Variants in SEC14L5 observed in about 807,000 individuals in gnomAD.
The protein encoded by SEC14L5 is SEC14-like protein 5.
SEC14L5 carries 96 observed loss-of-function variants against 84.6 expected under a neutral mutation model. The ratio of observed to expected loss-of-function variants is 1.13; its 90% CI spans 0.96 to 1.34. SEC14L5 has a LOEUF of 1.34. Ranked by LOEUF, SEC14L5 falls within the 40% of genes most tolerant of loss-of-function variation. SEC14L5 has a pLI of 0.00. For synonymous variants in SEC14L5, 546 were observed against 383.4 expected (o/e 1.42, Z -4.95); for missense variants, 1,224 against 942.5 (o/e 1.30, Z -3.91).
intron 2 of SEC14L5, among the ~76,000 whole-genome samples, chr16:4,959,966 C>T (rs935736645): frequency 1.3e-5 from 2 of 152,082 alleles, no homozygotes; most frequent in African/African-American, 4.8e-5. Flanking sequence ...GCTCACAGAC[C>T]CCCTTCCCTC....
chr16:5,004,118 T>C (rs1410284589), intron 11 of SEC14L5, among the ~76,000 whole-genome samples: 1 of 151,808 alleles, frequency 6.6e-6, no homozygotes, highest in Admixed American at 6.6e-5. Context: ...CAGTCCAGGG[T>C]GGCTGAGCAA....
At chr16:5,007,529 C>G (rs1168334508) in intron 13 of SEC14L5, 43 bp downstream of exon 13, 1 of 1,598,102 alleles carries the variant, frequency 6.3e-7, no homozygotes, top group African/African-American at 1.3e-5. Context: ...GCTGGAGTGT[C>G]TGTCGTCTTA....
chr16:4,987,632 A>C lies in SEC14L5; in HGVS notation c.139A>C (p.Ser47Arg). The change falls in exon 3 of 16, where the codon AGC becomes CGC. Residue 47 changes from serine to arginine, a missense_variant. Physicochemically the swap from Ser to Arg is moderately radical, Grantham distance 110 (BLOSUM62 -1). Transcript: ENST00000251170. ...CAGCGAGGTCTTGCGCGAGTCCCGC[A>C]GCCCGGACGGGGCTGTGCACGTGGT... is the stretch of plus-strand genomic sequence containing the variant. The part of the protein sequence containing the change: ...LGSEVLRESR[S>R]PDGAVHVVER... 6.4e-7 allele frequency: 1 copy of C among 1,556,832 alleles called. No homozygotes were observed. The highest frequency in any genetic ancestry group is 8.7e-7 in the Non-Finnish European group (1 of 1,151,552).
rs1041366165 is a variant in SEC14L5, at chr16:5,018,949, G to A, written c.*3979G>A. 6.6e-6 allele frequency: 1 copy of A among 152,168 alleles called. No individual in the cohort carries two copies. The highest frequency in any genetic ancestry group is 1.5e-5 in the Non-Finnish European group (1 of 68,044). 9.4% of individuals were successfully genotyped at this position (152,168 alleles called of 1,614,324 possible). A position where few individuals can be genotyped will look rare whatever the true frequency, so the allele number is the denominator to read the frequency against. ...GCCTGATCACTTGCTCCAACCAGCAGCATTAAATGTTTTCCATTTGGATAA... is the reference window on the plus strand; with the variant it reads ...GCCTGATCACTTGCTCCAACCAGCAACATTAAATGTTTTCCATTTGGATAA... On this transcript the variant is annotated 3_prime_UTR_variant, in exon 16 of 16. Coordinates refer to ENST00000251170, the MANE Select transcript of SEC14L5 (RefSeq NM_014692.2).
chr16:4,988,088 T>C (rs1285932976), intron 3 of SEC14L5, 61 bp from the exon 4 acceptor site: 3 of 1,592,738 alleles, frequency 1.9e-6, no homozygotes, highest in East Asian at 2.2e-5. Flanking sequence ...GGACTCGCTC[T>C]CCATTCCTGT....
intron 12 of SEC14L5, among the ~76,000 whole-genome samples, chr16:5,006,904 C>T (rs1305862386): frequency 2.6e-5 from 4 of 151,814 alleles, no homozygotes; most frequent in African/African-American, 9.7e-5. Context: ...ATCTAGGGTG[C>T]CTTTGGTTTG....
intron 8 of SEC14L5, among the ~76,000 whole-genome samples, chr16:4,999,653 G>A (rs987901039): frequency 1.3e-5 from 2 of 151,030 alleles, no homozygotes; most frequent in Admixed American, 6.6e-5. Flanking sequence ...GTGGGCTCAC[G>A]TCTGTAATCC....
chr16:5,013,157 C>G (rs965630198), intron 15 of SEC14L5, among the ~76,000 whole-genome samples: 2 of 152,128 alleles, frequency 1.3e-5, no homozygotes, highest in African/African-American at 4.8e-5. Flanking sequence ...CCAGATCCCT[C>G]CCTCAACACT....
In SEC14L5 at chr16:4,977,976, A is replaced by T. The variant is rs1275790208; in HGVS notation, c.64-9581A>T. On this transcript the variant is annotated intron_variant, in intron 2 of 15. Coordinates refer to ENST00000251170, the MANE Select transcript of SEC14L5 (RefSeq NM_014692.2). ...CCACCACGCCTGGCTAATTTTTTGC[A>T]TTTTTAGTAGAGACAGGGTTTCACT... Among the ~76,000 whole-genome samples, 4 of 148,760 alleles carry T rather than the reference A, an allele frequency of 2.7e-5. No homozygotes were observed. The East Asian group carries it at 8.1e-4, about 30-fold the overall frequency.
At chr16:5,002,130 C>T (rs1241882325) in intron 10 of SEC14L5, among the ~76,000 whole-genome samples, 5 of 152,132 alleles carry the variant, frequency 3.3e-5, no homozygotes, top group South Asian at 2.1e-4. Context: ...ATAATGCAAA[C>T]ACGGATCTTG....
chr16:5,014,025 G>A lies in SEC14L5; in HGVS notation c.1980-834G>A, dbSNP rs961746430. Reference sequence around the variant, plus strand: ...GCATCTCTAACAAGCTCCGGGCACTGCTGGTGCTGCCAGTTCCCAGACCAT... The same window carrying A: ...GCATCTCTAACAAGCTCCGGGCACTACTGGTGCTGCCAGTTCCCAGACCAT... On this transcript the variant is annotated intron_variant, in intron 15 of 15. Transcript: ENST00000251170. Among the ~76,000 whole-genome samples, 26 of 152,252 alleles carry A rather than the reference G, an allele frequency of 1.7e-4. 1 individual carries two copies. The highest frequency in any genetic ancestry group is 6.3e-4 in the African/African-American group (26 of 41,468).
At chr16:4,959,797 C>T (rs1596608732) in intron 2 of SEC14L5, among the ~76,000 whole-genome samples, 3 of 152,098 alleles carry the variant, frequency 2.0e-5, no homozygotes, top group African/African-American at 4.8e-5. Flanking sequence ...TTCCAATTCC[C>T]GATAGCTGTT....
At chr16:4,976,530 T>C (rs753052798) in intron 2 of SEC14L5, among the ~76,000 whole-genome samples, 1 of 152,232 alleles carries the variant, frequency 6.6e-6, no homozygotes, top group Non-Finnish European at 1.5e-5. Flanking sequence ...TATTGCACTT[T>C]ACAAATGAAA....
intron 8 of SEC14L5, among the ~76,000 whole-genome samples, chr16:4,998,910 C>A (rs1568137996): frequency 6.6e-6 from 1 of 152,046 alleles, no homozygotes; most frequent in Non-Finnish European, 1.5e-5. Flanking sequence ...ACTTGTAACC[C>A]CCAAATCAGT....
chr16:4,965,152 A>AT (rs1365419805), intron 2 of SEC14L5, among the ~76,000 whole-genome samples: 1 of 152,178 alleles, frequency 6.6e-6, no homozygotes, highest in African/African-American at 2.4e-5. Flanking sequence ...AGGGTACAAT[A>AT]TTTTTAAGGT....
At chr16:5,003,661 C>A (rs1163657866) in intron 11 of SEC14L5, 88 bp downstream of exon 11, 5 of 884,860 alleles carry the variant, frequency 5.7e-6, no homozygotes, top group African/African-American at 1.7e-5. Flanking sequence ...CTCTCTTTTC[C>A]TGTTTCATTT....
At chr16:5,011,384 AC>A in intron 15 of SEC14L5, 111 bp downstream of exon 15, 1 of 1,100,522 alleles carries the variant, frequency 9.1e-7, no homozygotes, top group Non-Finnish European at 1.3e-6. Context: ...CCGGGGTGGG[AC>A]CCCAGCATGG....
chr16:5,011,455 C>T (rs986125125), intron 15 of SEC14L5, among the ~76,000 whole-genome samples, 182 bp downstream of exon 15: 3 of 152,220 alleles, frequency 2.0e-5, no homozygotes, highest in Non-Finnish European at 2.9e-5. Flanking sequence ...GAGCCCAGCT[C>T]TGCGCGTCTA....
chr16:4,992,322 C>A (rs1032375629), intron 6 of SEC14L5, among the ~76,000 whole-genome samples: 5 of 152,240 alleles, frequency 3.3e-5, no homozygotes, highest in Non-Finnish European at 7.3e-5. Context: ...ACGATCTCGG[C>A]TCCCTGCAAC....
Sources: gnomAD v4.1 joint callset for allele counts (sites outside exome capture counted in the v4.1 genomes callset) on GRCh38, gnomAD v4.1.1 for gene constraint, MANE v1.5 for transcripts, NCBI Gene and HGNC (gene_info 2026-07-23, HGNC 2026-07-21) for gene names.